C10orf67: variants seen among roughly 807,000 people sequenced by gnomAD.
The protein encoded by C10orf67 is uncharacterized protein C10orf67, mitochondrial.
In C10orf67, 60 loss-of-function variants were observed where a neutral mutation model predicts 35.6. That is an observed-to-expected ratio of 1.68 (90% CI 1.37 to 2.09). The LOEUF (loss-of-function observed/expected upper bound fraction) is 2.09, where lower values mean the gene tolerates loss of function less well. Ranked by LOEUF, C10orf67 falls within the 30% of genes most tolerant of loss-of-function variation. The probability of loss-of-function intolerance (pLI) is 0.00; values close to 1 mark genes in which losing one functional copy is unlikely to be tolerated. For synonymous variants in C10orf67, 167 were observed against 115.8 expected (o/e 1.44, Z -2.84); for missense variants, 474 against 330.2 (o/e 1.44, Z -3.38).
chr10:23,344,781 A>G lies in C10orf67; in HGVS notation c.-7T>C. 1 of 1,554,336 alleles carries G rather than the reference A, an allele frequency of 6.4e-7. No homozygotes were observed. The highest frequency in any genetic ancestry group is 8.7e-7 in the Non-Finnish European group (1 of 1,148,876). On this transcript the variant is annotated 5_prime_UTR_variant, in exon 1 of 16. Coordinates refer to ENST00000636213, the MANE Select transcript of C10orf67 (RefSeq NM_001371909.1). ...GATCCCGGACCAAGGCCATCATAAG[A>G]GGAGAGCAGGCTGCCTAATAAGCTG...
Position 23,320,792 on chromosome 10 carries a change from G to T in C10orf67, c.495C>A (p.Ser165=). 1 of 1,587,422 alleles carries T rather than the reference G, an allele frequency of 6.3e-7. No individual in the cohort carries two copies. Among genetic ancestry groups the T allele is most frequent in the East Asian group, 2.3e-5 (1 of 44,298 alleles). ...TGGCATCAGCTAACTGCTGATTGAA[G>T]GATTTTCTCATCTTATCCTCATTCT... is the stretch of plus-strand genomic sequence containing the variant. ...YQQNEDKMRK[S]FNQQLADAIA... is the part of the protein sequence containing the mutation. The change falls in exon 4 of 16, where the codon TCC becomes TCA. Residue 165 remains serine (S), a synonymous_variant. Transcript: ENST00000636213.
intron 2 of C10orf67, among the ~76,000 whole-genome samples, chr10:23,330,868 T>C (rs1157170597): frequency 6.6e-6 from 1 of 152,090 alleles, no homozygotes; most frequent in Non-Finnish European, 1.5e-5. Context: ...CTCTGCTGTA[T>C]ATTGTTTCAA....
At chr10:23,262,860 A>G (rs2132187009) in intron 10 of C10orf67, among the ~76,000 whole-genome samples, 1 of 152,334 alleles carries the variant, frequency 6.6e-6, no homozygotes, top group African/African-American at 2.4e-5. Context: ...TTGCTCTCTG[A>G]GAGCAGAATC....
intron 4 of C10orf67, among the ~76,000 whole-genome samples, chr10:23,304,667 C>T (rs1844206945): frequency 6.6e-6 from 1 of 152,124 alleles, no homozygotes. Context: ...CCTGTAATTC[C>T]CTTCAAGCTC....
rs372236282 is a variant in C10orf67, at chr10:23,282,327, C to A, written c.910-249G>T. Among the ~76,000 whole-genome samples the A allele has an allele frequency of 3.3e-5, 5 of 152,132 alleles. No homozygotes were observed. The East Asian group carries it at 7.7e-4, about 23-fold the overall frequency. ...CTCACCCCATGCCATCAAAATGTAA[C>A]ATCACAATAAAGCAAGTCCTACTCT... On this transcript the variant is annotated intron_variant, in intron 7 of 15. Transcript: ENST00000636213.
At chr10:23,323,766 G>A (rs1167680132) in intron 2 of C10orf67, among the ~76,000 whole-genome samples, 1 of 149,222 alleles carries the variant, frequency 6.7e-6, no homozygotes, top group African/African-American at 2.5e-5. Flanking sequence ...CAAAAAATTA[G>A]CCAAGTGTGG....
intron 10 of C10orf67, among the ~76,000 whole-genome samples, chr10:23,256,681 A>G (rs1842611798): frequency 6.6e-6 from 1 of 150,784 alleles, no homozygotes. Context: ...CTCACTCACA[A>G]GTTTTTTTTT....
intron 13 of C10orf67, among the ~76,000 whole-genome samples, chr10:23,231,355 C>A (rs1166465820): frequency 6.6e-6 from 1 of 152,136 alleles, no homozygotes; most frequent in Non-Finnish European, 1.5e-5. Context: ...CTTTCTCTTT[C>A]TGGAGAAAGT....
intron 2 of C10orf67, among the ~76,000 whole-genome samples, chr10:23,324,945 G>A (rs1725856881): frequency 6.6e-6 from 1 of 152,048 alleles, no homozygotes; most frequent in South Asian, 2.1e-4. Context: ...TTATTTTACT[G>A]GTGAGAATAT....
At chr10:23,265,545 A>T (rs770721710) in intron 10 of C10orf67, among the ~76,000 whole-genome samples, 12 of 152,226 alleles carry the variant, frequency 7.9e-5, no homozygotes, top group Non-Finnish European at 1.5e-4. Context: ...CTACTTACAC[A>T]ATTCACAGTG....
chr10:23,232,441 G>C (rs900027239), intron 13 of C10orf67, among the ~76,000 whole-genome samples: 1 of 152,214 alleles, frequency 6.6e-6, no homozygotes, highest in Non-Finnish European at 1.5e-5. Context: ...GCAAAGAGTA[G>C]AGGTGAAATG....
At chr10:23,216,668 T>C (rs1285531494) in intron 15 of C10orf67, among the ~76,000 whole-genome samples, 1 of 152,148 alleles carries the variant, frequency 6.6e-6, no homozygotes, top group Non-Finnish European at 1.5e-5. Flanking sequence ...TCAAGCTACA[T>C]ACAGCAAAAT....
chr10:23,215,619 G>A (rs1328326865), intron 15 of C10orf67, among the ~76,000 whole-genome samples: 1 of 152,030 alleles, frequency 6.6e-6, no homozygotes, highest in Non-Finnish European at 1.5e-5. Context: ...TGACAGAAGA[G>A]GTAGAAGAGG....
chr10:23,264,775 A>C (rs1046872774), intron 10 of C10orf67, among the ~76,000 whole-genome samples: 1 of 152,152 alleles, frequency 6.6e-6, no homozygotes, highest in Admixed American at 6.5e-5. Context: ...CAAGAGGCTC[A>C]GCTGCTCTGC....
At position 23,322,397 on chromosome 10, in the gene C10orf67, T is replaced by C. The variant is rs778018604; in HGVS notation, c.468A>G (p.Gln156=). 5 of 1,609,100 alleles carry C rather than the reference T, an allele frequency of 3.1e-6. No individual in the cohort carries two copies. In the South Asian group the frequency reaches 4.4e-5, roughly 14 times the overall value. The change falls in exon 3 of 16, where the codon CAA becomes CAG. Residue 156 remains glutamine, a synonymous_variant. Transcript: ENST00000636213. The part of the protein sequence containing the change: ...DRILEIEKHY[Q]QNEDKMRKSF... ...AAAGAAATAAGAGAACATTTACCTG[T>C]TGATAATGCTTTTCAATTTCTAGGA... is the stretch of plus-strand genomic sequence containing the variant.
At chr10:23,299,925 C>T in intron 5 of C10orf67, among the ~76,000 whole-genome samples, 1 of 151,602 alleles carries the variant, frequency 6.6e-6, no homozygotes, top group Non-Finnish European at 1.5e-5. Flanking sequence ...TTGCAGTGAG[C>T]CAAGATCGCG....
chr10:23,304,727 G>C (rs754732271), intron 4 of C10orf67, among the ~76,000 whole-genome samples: 1 of 152,068 alleles, frequency 6.6e-6, no homozygotes, highest in Non-Finnish European at 1.5e-5. Flanking sequence ...TACCAACTCA[G>C]TAACCCAGCA....
chr10:23,214,884 A>C (rs1258592640), intron 15 of C10orf67, among the ~76,000 whole-genome samples: 2 of 152,066 alleles, frequency 1.3e-5, no homozygotes, highest in Non-Finnish European at 2.9e-5. Flanking sequence ...TTAGCTGGGC[A>C]TGGTGGCACG....
intron 2 of C10orf67, among the ~76,000 whole-genome samples, chr10:23,327,343 T>C (rs1441317450): frequency 2.0e-5 from 3 of 152,092 alleles, no homozygotes; most frequent in Non-Finnish European, 2.9e-5. Context: ...CTATATACAA[T>C]TTATAAGAGA....
Sources: allele counts gnomAD v4.1 joint callset (sites outside exome capture counted in the v4.1 genomes callset), GRCh38; gene constraint gnomAD v4.1.1; transcripts MANE v1.5; gene names NCBI Gene and HGNC (gene_info 2026-07-23, HGNC 2026-07-21).